The following USP9X variants were observed in gnomAD, a reference collection of about 807,000 sequenced individuals.
USP9X encodes the protein ubiquitin carboxyl-terminal hydrolase 9X.
Under a neutral mutation model 190.3 loss-of-function variants are expected in USP9X, and 7 were observed. The ratio of observed to expected loss-of-function variants is 0.04; its 90% CI spans 0.02 to 0.07. USP9X has a LOEUF of 0.07. Among genes scored for constraint, USP9X ranks in the 10% least tolerant of loss-of-function variants. USP9X has a pLI of 1.00. For synonymous variants in USP9X, 645 were observed against 659.5 expected (o/e 0.98, Z 0.34); for missense variants, 1,010 against 1,916.9 (o/e 0.53, Z 8.83).
At chrX:41,153,981 A>T (rs759736033) in intron 14 of USP9X, among the ~76,000 whole-genome samples, 4 of 112,129 alleles carry the variant, frequency 3.6e-5, no homozygotes, top group Middle Eastern at 4.7e-3. Flanking sequence ...GGCTTTTGAC[A>T]TTATTGAATA....
At chrX:41,195,346 A>G (rs893467227) in intron 26 of USP9X, among the ~76,000 whole-genome samples, 1 of 111,115 alleles carries the variant, frequency 9.0e-6, no homozygotes, top group African/African-American at 3.3e-5. Context: ...GTGGTTCTCA[A>G]TGTTTAGTGC....
intron 41 of USP9X, among the ~76,000 whole-genome samples, chrX:41,227,922 G>A (rs983186665): frequency 8.9e-6 from 1 of 112,012 alleles, no homozygotes. Context: ...GGATGGTCTC[G>A]ATCTCCTGAC....
At chrX:41,230,349 TTG>T in intron 43 of USP9X, 150 bp from the exon 44 acceptor site, 5 of 456,125 alleles carry the variant, frequency 1.1e-5, no homozygotes, top group South Asian at 7.5e-5. Flanking sequence ...TTTTTTTTTT[TTG>T]TTTTTTCCCC....
intron 21 of USP9X, among the ~76,000 whole-genome samples, chrX:41,181,146 A>G (rs1193849459): frequency 2.7e-5 from 3 of 111,770 alleles, no homozygotes; most frequent in Non-Finnish European, 5.6e-5. Context: ...CTTAGCACTG[A>G]TAAACCACAC....
chrX:41,212,186 A>T (rs1217865255), intron 33 of USP9X, among the ~76,000 whole-genome samples: 2 of 109,973 alleles, frequency 1.8e-5, no homozygotes, highest in Non-Finnish European at 3.8e-5. Context: ...TCTCTGAAAC[A>T]TGTGCTGTGT....
At position 41,232,690 on chromosome X, in the gene USP9X, A is replaced by C; in HGVS notation, c.*166A>C. On this transcript the variant is annotated 3_prime_UTR_variant, in exon 45 of 45. Coordinates refer to ENST00000378308, the MANE Select transcript of USP9X (RefSeq NM_001039591.3). The stretch of plus-strand genomic sequence containing the variant: ...CTGCAGAAATTTGCTGTCAATATAT[A>C]ACCCGCCTGCAGTGGAAAGTGTATA... 1 of 617,580 alleles carries C rather than the reference A, an allele frequency of 1.6e-6. No homozygotes were observed. The highest frequency in any genetic ancestry group is 2.4e-6 in the Non-Finnish European group (1 of 415,985). 50.9% of individuals were successfully genotyped at this position (617,580 alleles called of 1,213,427 possible).
intron 23 of USP9X, among the ~76,000 whole-genome samples, chrX:41,186,002 G>A (rs1251949194): frequency 1.8e-5 from 2 of 111,524 alleles, no homozygotes; most frequent in Non-Finnish European, 3.8e-5. Context: ...TAACAACTAC[G>A]TAATGAAATT....
intron 29 of USP9X, 110 bp downstream of exon 29, chrX:41,197,620 T>G (rs1462924231): frequency 1.4e-6 from 1 of 703,115 alleles, no homozygotes; most frequent in Admixed American, 5.1e-5. Flanking sequence ...TCTTGATCTT[T>G]TCTCTTTTTT....
At chrX:41,095,025 CAG>C (rs1321123893) in intron 1 of USP9X, among the ~76,000 whole-genome samples, 1 of 104,361 alleles carries the variant, frequency 9.6e-6, no homozygotes, top group Non-Finnish European at 2.0e-5. Flanking sequence ...GCCTGGGTGA[CAG>C]AGCGAGACTC....
intron 36 of USP9X, among the ~76,000 whole-genome samples, chrX:41,217,816 G>T (rs780821814): frequency 9.0e-6 from 1 of 111,568 alleles, no homozygotes; most frequent in African/African-American, 3.3e-5. Context: ...CTGGAGCCTG[G>T]GAGGTTGAAG....
chrX:41,148,238 C>T, intron 11 of USP9X, 131 bp from the exon 12 acceptor site: 1 of 647,106 alleles, frequency 1.5e-6, no homozygotes. Flanking sequence ...ACTATATTTT[C>T]AGATCTCACT....
intron 43 of USP9X, 145 bp from the exon 44 acceptor site, chrX:41,230,356 T>G (rs1314202807): frequency 8.1e-5 from 38 of 469,194 alleles, no homozygotes; most frequent in Non-Finnish European, 1.2e-4. Context: ...TTTTTGTTTT[T>G]TCCCCAAGTT....
chrX:41,200,381 C>T (rs1459172308), intron 30 of USP9X, among the ~76,000 whole-genome samples: 1 of 111,381 alleles, frequency 9.0e-6, no homozygotes, highest in African/African-American at 3.3e-5. Context: ...TTAACTGGCC[C>T]CCTAGACAAT....
rs1258688739 is a variant in USP9X at position 41,141,036 on chromosome X, A to G, written c.841A>G (p.Met281Val). ...AAAGTACTTTCTTCCAATAATAGAA[A>G]TGGTTCCACAGTTTTTAGAAAACTT... Reference protein sequence around the residue: ...VKKYFLPIIEMVPQFLENLTD... With the variant: ...VKKYFLPIIEVVPQFLENLTD... The change falls in exon 8 of 45, where the codon ATG becomes GTG. Residue 281 changes from methionine (M) to valine (V), a missense_variant. Transcript: ENST00000378308. 6.6e-6 allele frequency: 8 copies of G among 1,206,591 alleles called. No individual in the cohort carries two copies. The highest frequency in any genetic ancestry group is 7.8e-6 in the Non-Finnish European group (7 of 893,197).
chrX:41,174,084 C>G (rs929468580), intron 21 of USP9X, among the ~76,000 whole-genome samples: 1 of 111,864 alleles, frequency 8.9e-6, no homozygotes, highest in Non-Finnish European at 1.9e-5. Context: ...AGCCTAGGAG[C>G]AATAGGCTAT....
chrX:41,170,681 AAGTAT>A, intron 20 of USP9X, 62 bp downstream of exon 20: 1 of 1,083,451 alleles, frequency 9.2e-7, no homozygotes, highest in Non-Finnish European at 1.2e-6. Context: ...TTTGAGAATA[AAGTAT>A]ATAGAGTGGT....
At chrX:41,097,581 A>G (rs1347013943) in intron 1 of USP9X, among the ~76,000 whole-genome samples, 2 of 112,177 alleles carry the variant, frequency 1.8e-5, no homozygotes. Flanking sequence ...TGCTTTTAAA[A>G]GTAACAAAAC....
At chrX:41,208,676 T>A (rs2147224515) in intron 32 of USP9X, among the ~76,000 whole-genome samples, 1 of 111,514 alleles carries the variant, frequency 9.0e-6, no homozygotes, top group African/African-American at 3.3e-5. Flanking sequence ...GTTTTTGGTT[T>A]ATTTTTTTTT....
intron 25 of USP9X, among the ~76,000 whole-genome samples, chrX:41,188,691 A>G (rs1196138194): frequency 1.8e-5 from 2 of 111,801 alleles, no homozygotes; most frequent in African/African-American, 6.5e-5. Flanking sequence ...TACATGGCCA[A>G]CATCACCCTG....
Sources: gnomAD v4.1 joint callset for allele counts (sites outside exome capture counted in the v4.1 genomes callset) on GRCh38, gnomAD v4.1.1 for gene constraint, MANE v1.5 for transcripts, NCBI Gene and HGNC (gene_info 2026-07-23, HGNC 2026-07-21) for gene names.